Variants in SMYD3 observed in about 807,000 individuals in gnomAD.
The protein encoded by SMYD3 is SET and MYND domain containing 3, also known as histone-lysine N-methyltransferase SMYD3.
In SMYD3, 36 loss-of-function variants were observed where a neutral mutation model predicts 57.7. That is an observed-to-expected ratio of 0.62 (90% CI 0.48 to 0.82). The LOEUF (loss-of-function observed/expected upper bound fraction) is 0.82. Among genes scored for constraint, SMYD3 ranks in the 40% least tolerant of loss-of-function variants. The pLI, the probability that SMYD3 is intolerant of heterozygous loss-of-function variation, is 0.00. For missense variants in SMYD3, 515 were observed against 538.8 expected (o/e 0.96, Z 0.44); for synonymous variants, 211 against 195.0 (o/e 1.08, Z -0.68).
intron 5 of SMYD3, among the ~76,000 whole-genome samples, chr1:246,150,979 GGCTCAC>G (rs1311083085): frequency 1.3e-5 from 2 of 152,212 alleles, no homozygotes; most frequent in Non-Finnish European, 2.9e-5. Context: ...TGGGCGCAGT[GGCTCAC>G]GCCTGTAATC....
intron 10 of SMYD3, among the ~76,000 whole-genome samples, chr1:245,855,658 A>T (rs1193514950): frequency 6.6e-6 from 1 of 152,214 alleles, no homozygotes; most frequent in African/African-American, 2.4e-5. Flanking sequence ...GTGATTTCTA[A>T]CTTGTTTTAT....
chr1:246,227,223 G>C (rs2186066), intron 5 of SMYD3, among the ~76,000 whole-genome samples: 31,572 of 152,104 alleles, frequency 0.21, 3,996 homozygotes, highest in East Asian at 0.58. Flanking sequence ...TCTTCTACTA[G>C]AAAACTAAGT....
intron 1 of SMYD3, among the ~76,000 whole-genome samples, chr1:246,440,003 G>A (rs909594257): frequency 6.6e-5 from 10 of 152,154 alleles, no homozygotes; most frequent in African/African-American, 2.4e-4. Flanking sequence ...ATGATCAGAA[G>A]TATGTCATAG....
chr1:246,374,551 T>C (rs2066241475), intron 1 of SMYD3, among the ~76,000 whole-genome samples: 1 of 128,366 alleles, frequency 7.8e-6, no homozygotes, highest in African/African-American at 3.0e-5. Flanking sequence ...CTGTCTCGTG[T>C]CCCTAAGCAC....
chr1:246,266,960 T>C (rs1297117279), intron 5 of SMYD3, among the ~76,000 whole-genome samples: 1 of 152,208 alleles, frequency 6.6e-6, no homozygotes, highest in Non-Finnish European at 1.5e-5. Context: ...CACAGCTTCT[T>C]AATTCTCTTC....
intron 1 of SMYD3, among the ~76,000 whole-genome samples, chr1:246,503,791 CA>C (rs1192808774): frequency 6.6e-6 from 1 of 151,928 alleles, no homozygotes; most frequent in Non-Finnish European, 1.5e-5. Flanking sequence ...GGTGAAACCC[CA>C]TCTCTACTAA....
chr1:246,087,131 T>G (rs112685554), intron 5 of SMYD3, among the ~76,000 whole-genome samples: 2,331 of 152,282 alleles, frequency 0.015, 66 homozygotes, highest in African/African-American at 0.052. Context: ...GGCAGTTCCT[T>G]GCAGATGAAA....
Position 246,209,849 on chromosome 1 carries a change from G to A in SMYD3, c.531+117352C>T, listed in dbSNP as rs995525832. Reference sequence around the variant, plus strand: ...TTAGTCTGACTCTAGTGAATCAAGAGCAAGTCCAAGATGGAAACACAGGAG... The same window carrying A: ...TTAGTCTGACTCTAGTGAATCAAGAACAAGTCCAAGATGGAAACACAGGAG... On this transcript the variant is annotated intron_variant, in intron 5 of 11. Coordinates refer to ENST00000490107, the MANE Select transcript of SMYD3 (RefSeq NM_001167740.2). Among the ~76,000 whole-genome samples the A allele has an allele frequency of 2.6e-4, 39 of 152,162 alleles. 1 individual carries two copies. The highest frequency in any genetic ancestry group is 8.5e-4 in the African/African-American group (35 of 41,408).
intron 1 of SMYD3, among the ~76,000 whole-genome samples, chr1:246,378,794 TA>T (rs2066332627): frequency 8.5e-6 from 1 of 117,026 alleles, no homozygotes; most frequent in African/African-American, 3.3e-5. Flanking sequence ...TTTAATATAT[TA>T]TTTTTATATA....
intron 1 of SMYD3, among the ~76,000 whole-genome samples, chr1:246,371,743 C>T (rs1214114167): frequency 6.6e-6 from 1 of 152,168 alleles, no homozygotes; most frequent in African/African-American, 2.4e-5. Context: ...TAGAAAAATT[C>T]TCTCTCTTAC....
chr1:246,474,443 C>T (rs1045848386), intron 1 of SMYD3, among the ~76,000 whole-genome samples: 2 of 150,382 alleles, frequency 1.3e-5, no homozygotes, highest in Admixed American at 6.6e-5. Flanking sequence ...CGCTTGAACC[C>T]GGGAGGCAGA....
At chr1:245,952,134 G>A (rs58804547) in intron 5 of SMYD3, among the ~76,000 whole-genome samples, 3,092 of 152,246 alleles carry the variant, frequency 0.02, 84 homozygotes, top group African/African-American at 0.059. Context: ...AGAAATACCT[G>A]TAAATAAAGA....
intron 5 of SMYD3, among the ~76,000 whole-genome samples, chr1:246,306,525 T>C (rs1024256510): frequency 2.6e-5 from 4 of 152,184 alleles, no homozygotes; most frequent in East Asian, 1.9e-4. Context: ...CTAACAGATA[T>C]GGCTTTTCAA....
chr1:246,101,063 G>GTTTTT (rs1558228762), intron 5 of SMYD3, among the ~76,000 whole-genome samples: 11 of 93,002 alleles, frequency 1.2e-4, no homozygotes, highest in Non-Finnish European at 2.0e-4. Context: ...TATTTTTAGG[G>GTTTTT]GTTTTTTGTT....
At chr1:246,307,208 T>C (rs1373156647) in intron 5 of SMYD3, among the ~76,000 whole-genome samples, 1 of 152,126 alleles carries the variant, frequency 6.6e-6, no homozygotes, top group Non-Finnish European at 1.5e-5. Context: ...CCACCTCCTT[T>C]TTGAAACTCT....
At chr1:245,851,914 T>C (rs1487002657) in intron 10 of SMYD3, among the ~76,000 whole-genome samples, 2 of 152,194 alleles carry the variant, frequency 1.3e-5, no homozygotes, top group Non-Finnish European at 2.9e-5. Context: ...GCTTTATGCA[T>C]GTTCTGCCAT....
At chr1:246,422,172 A>G (rs75804400) in intron 1 of SMYD3, among the ~76,000 whole-genome samples, 1,808 of 152,266 alleles carry the variant, frequency 0.012, 37 homozygotes, top group African/African-American at 0.041. Flanking sequence ...TAGGGCAAAG[A>G]TTTTTGCATA....
intron 5 of SMYD3, among the ~76,000 whole-genome samples, chr1:246,032,006 C>T (rs558827163): frequency 6.6e-6 from 1 of 152,216 alleles, no homozygotes; most frequent in South Asian, 2.1e-4. Context: ...GACCCTTACA[C>T]CCTCGAAGCA....
rs373714172 is a variant in SMYD3 at position 245,841,630 on chromosome 1, CAAAAT to C, written c.1076+16861_1076+16865del. ...GTGAAAGAACATTAAAAATTCTTTA[CAAAAT>C]AAAATAACATTTTTAAAGCATATAA... On this transcript the variant is annotated intron_variant, in intron 10 of 11. Transcript: ENST00000490107. Among the ~76,000 whole-genome samples the C allele has an allele frequency of 9.9e-5, 15 of 152,064 alleles. No homozygotes were observed. In the East Asian group the frequency reaches 1.7e-3, roughly 18 times the overall value.
Sources: gnomAD v4.1 joint callset for allele counts (sites outside exome capture counted in the v4.1 genomes callset) on GRCh38, gnomAD v4.1.1 for gene constraint, MANE v1.5 for transcripts, NCBI Gene and HGNC (gene_info 2026-07-23, HGNC 2026-07-21) for gene names.